The following SPIRE1 variants were observed in gnomAD, a reference collection of about 807,000 sequenced individuals.
The protein encoded by SPIRE1 is spire type actin nucleation factor 1, also known as protein spire homolog 1.
SPIRE1 carries 40 observed loss-of-function variants against 94.1 expected under a neutral mutation model. That is an observed-to-expected ratio of 0.43 (90% CI 0.33 to 0.55). The LOEUF is 0.55. Ranked by LOEUF, SPIRE1 falls within the 20% of genes least tolerant of loss-of-function variation. The probability of loss-of-function intolerance (pLI) is 0.06; values close to 1 mark genes in which losing one functional copy is unlikely to be tolerated. For synonymous variants in SPIRE1, 376 were observed against 371.7 expected (o/e 1.01, Z -0.13); for missense variants, 838 against 975.2 (o/e 0.86, Z 1.87).
chr18:12,569,636 C>CAAAA (rs71172101), intron 2 of SPIRE1, among the ~76,000 whole-genome samples: 12 of 142,078 alleles, frequency 8.4e-5, no homozygotes, highest in African/African-American at 2.1e-4. Context: ...ACAACAACAA[C>CAAAA]AAAAAAAAAA....
rs145551144 is a variant in SPIRE1, at chr18:12,582,582, A to G, written c.373-35678T>C. On this transcript the variant is annotated intron_variant, in intron 2 of 16. Coordinates refer to ENST00000409402, the MANE Select transcript of SPIRE1 (RefSeq NM_001128626.2). ...AGTGTGTCTCAAGGTAGAAAAATCC[A>G]TAAAACATGAGGTCAAATTATTCCA... 8.1e-3 allele frequency among the ~76,000 whole-genome samples: 1,233 copies of G among 152,328 alleles called. 14 individuals are homozygous for G. The highest frequency in any genetic ancestry group is 0.028 in the African/African-American group (1,177 of 41,564).
chr18:12,603,989 C>T (rs897890029), intron 2 of SPIRE1, among the ~76,000 whole-genome samples: 10 of 152,082 alleles, frequency 6.6e-5, no homozygotes, highest in East Asian at 3.9e-4. Flanking sequence ...GGGCTCCTGG[C>T]GGGTGGTGAG....
intron 6 of SPIRE1, among the ~76,000 whole-genome samples, chr18:12,500,049 T>C (rs1026858144): frequency 6.6e-6 from 1 of 152,196 alleles, no homozygotes; most frequent in Admixed American, 6.5e-5. Context: ...TACTGCATGT[T>C]CTCACTTATA....
At position 12,570,590 on chromosome 18, in the gene SPIRE1, T is replaced by C. The variant is rs548588335; in HGVS notation, c.373-23686A>G. On this transcript the variant is annotated intron_variant, in intron 2 of 16. Transcript: ENST00000409402. ...GTATGTTTTCCTTTATACATTACGATGATCCTGGGAAGCAGACATTAATTA... is the reference window on the plus strand; with the variant it reads ...GTATGTTTTCCTTTATACATTACGACGATCCTGGGAAGCAGACATTAATTA... 5.3e-5 allele frequency among the ~76,000 whole-genome samples: 8 copies of C among 152,342 alleles called. No individual in the cohort carries two copies. In the South Asian group the frequency reaches 1.2e-3, roughly 24 times the overall value.
At chr18:12,450,395 A>T in intron 16 of SPIRE1, 1 of 404,002 alleles carries the variant, frequency 2.5e-6, no homozygotes, top group Admixed American at 3.3e-5. Context: ...AAAGCAGAAA[A>T]CATGTCTTAT....
At chr18:12,516,887 T>G (rs938149067) in intron 4 of SPIRE1, among the ~76,000 whole-genome samples, 1 of 152,210 alleles carries the variant, frequency 6.6e-6, no homozygotes, top group Non-Finnish European at 1.5e-5. Flanking sequence ...TACCTTTATT[T>G]GTGCTGTGAT....
intron 1 of SPIRE1, among the ~76,000 whole-genome samples, chr18:12,648,912 GA>G (rs2038299833): frequency 8.3e-6 from 1 of 121,200 alleles, no homozygotes; most frequent in African/African-American, 3.0e-5. Flanking sequence ...AAAAAAAAAA[GA>G]AAAAGGACAT....
intron 2 of SPIRE1, among the ~76,000 whole-genome samples, chr18:12,631,745 G>A (rs2037787870): frequency 6.6e-6 from 1 of 152,070 alleles, no homozygotes; most frequent in Non-Finnish European, 1.5e-5. Context: ...CACGCCTGTA[G>A]TCCCAGCTAC....
chr18:12,637,499 G>T (rs1468403412), intron 1 of SPIRE1, among the ~76,000 whole-genome samples: 9 of 152,054 alleles, frequency 5.9e-5, no homozygotes, highest in Non-Finnish European at 1.5e-5. Flanking sequence ...CTATTTTAAT[G>T]TATTGCAGCA....
chr18:12,544,374 T>A (rs1048106988), intron 3 of SPIRE1, among the ~76,000 whole-genome samples: 7 of 66,414 alleles, frequency 1.1e-4, no homozygotes, highest in Non-Finnish European at 3.3e-4. Context: ...TAATTTTGTA[T>A]TTTTTTTTTT....
intron 12 of SPIRE1, among the ~76,000 whole-genome samples, chr18:12,460,992 T>C (rs2031771017): frequency 6.6e-6 from 1 of 152,104 alleles, no homozygotes; most frequent in African/African-American, 2.4e-5. Flanking sequence ...CACTGTTCAG[T>C]GCTGAGCAGA....
At chr18:12,614,702 C>T (rs1360711767) in intron 2 of SPIRE1, among the ~76,000 whole-genome samples, 3 of 151,670 alleles carry the variant, frequency 2.0e-5, no homozygotes, top group Non-Finnish European at 4.4e-5. Context: ...CCTGTAACCC[C>T]AGCTACTTGG....
intron 4 of SPIRE1, among the ~76,000 whole-genome samples, chr18:12,519,356 GCACA>G (rs142657874): frequency 6.6e-6 from 1 of 150,722 alleles, no homozygotes; most frequent in East Asian, 1.9e-4. Context: ...ACACACGCAC[GCACA>G]CACACACACG....
At chr18:12,642,218 C>A (rs1190031301) in intron 1 of SPIRE1, among the ~76,000 whole-genome samples, 1 of 152,220 alleles carries the variant, frequency 6.6e-6, no homozygotes, top group Admixed American at 6.5e-5. Flanking sequence ...CCAGAACTTG[C>A]ATCTTCTTCC....
intron 2 of SPIRE1, among the ~76,000 whole-genome samples, chr18:12,619,925 G>A (rs2037419462): frequency 6.6e-6 from 1 of 151,252 alleles, no homozygotes; most frequent in Non-Finnish European, 1.5e-5. Flanking sequence ...ATTCACAGAT[G>A]ACATAATCTT....
chr18:12,544,586 C>G (rs1158318793), intron 3 of SPIRE1, among the ~76,000 whole-genome samples: 1 of 149,688 alleles, frequency 6.7e-6, no homozygotes, highest in Non-Finnish European at 1.5e-5. Context: ...CTCAAGTGAT[C>G]CTCCCACCTG....
intron 5 of SPIRE1, among the ~76,000 whole-genome samples, 166 bp from the exon 6 acceptor site, chr18:12,506,807 G>C (rs184989314): frequency 6.6e-6 from 1 of 152,324 alleles, no homozygotes; most frequent in East Asian, 1.9e-4. Context: ...TGGGTGGAAA[G>C]CAAGTAGAGA....
intron 2 of SPIRE1, among the ~76,000 whole-genome samples, chr18:12,616,784 T>G (rs570033721): frequency 6.6e-6 from 1 of 152,364 alleles, no homozygotes; most frequent in South Asian, 2.1e-4. Flanking sequence ...TATTCAGCAA[T>G]GCAATACATT....
chr18:12,605,204 T>C (rs905779117), intron 2 of SPIRE1, among the ~76,000 whole-genome samples: 1 of 152,210 alleles, frequency 6.6e-6, no homozygotes, highest in Non-Finnish European at 1.5e-5. Context: ...ATGACTAAGA[T>C]GATCAATTTT....
Sources: allele counts gnomAD v4.1 joint callset (sites outside exome capture counted in the v4.1 genomes callset), GRCh38; gene constraint gnomAD v4.1.1; transcripts MANE v1.5; gene names NCBI Gene and HGNC (gene_info 2026-07-23, HGNC 2026-07-21).